The following NEB variants were observed in gnomAD, a reference collection of about 807,000 sequenced individuals.
NEB encodes nebulin.
In NEB, 512 loss-of-function variants were observed where a neutral mutation model predicts 952.2. That is an observed-to-expected ratio of 0.54 (90% CI 0.50 to 0.58). The LOEUF (loss-of-function observed/expected upper bound fraction) is 0.58, where lower values mean the gene tolerates loss of function less well. Among genes scored for constraint, NEB ranks in the 20% least tolerant of loss-of-function variants. The probability of loss-of-function intolerance (pLI) is 0.00; values close to 1 mark genes in which losing one functional copy is unlikely to be tolerated. For missense variants in NEB, 8,428 were observed against 9,231.1 expected, an observed-to-expected ratio of 0.91 and a Z score of 3.56; for synonymous variants, 2,900 against 3,149.8, an observed-to-expected ratio of 0.92 and a Z score of 2.66.
intron 17 of NEB, 111 bp from the exon 18 acceptor site, chr2:151,695,793 C>T (rs906010784): frequency 4.2e-5 from 33 of 794,478 alleles, no homozygotes; most frequent in Admixed American, 6.9e-5. Context: ...TCAGAAGAGA[C>T]ATCTAGAGCT....
At position 151,531,570 on chromosome 2, in the gene NEB, G is replaced by A. The variant is rs182498532; in HGVS notation, c.21522+222C>T. Among the ~76,000 whole-genome samples the A allele has an allele frequency of 1.8e-3, 269 of 152,258 alleles. 2 individuals are homozygous for A. The South Asian group carries it at 0.03, about 17-fold the overall frequency. Reference sequence around the variant, plus strand: ...GGCCTCAAGTGATCCACCTGCCTTGGCTTCCCAAAGTGCTGGAATTACAGG... The same window carrying A: ...GGCCTCAAGTGATCCACCTGCCTTGACTTCCCAAAGTGCTGGAATTACAGG... On this transcript the variant is annotated intron_variant, in intron 144 of 181. Coordinates refer to ENST00000397345, the MANE Select transcript of NEB (RefSeq NM_001164508.2).
rs568335746 is a variant in NEB at position 151,526,241 on chromosome 2, C to T, written c.21967G>A (p.Val7323Ile). ...ESDLKYKEKH[V>I]KERGTCHAVP... ...GCATGGCAGGTTCCTCTTTCCTTGA[C>T]ATGTTTCTCTTTGTATTTCAGCTTC... Residue 7323 changes from valine to isoleucine, a missense_variant, in exon 149 of 182, where the codon GTC (valine) becomes ATC (isoleucine). Physicochemically the swap from Val to Ile is conservative, Grantham distance 29. Transcript: ENST00000397345. The T allele has an allele frequency of 3.1e-6, 5 of 1,612,496 alleles. No homozygotes were observed. Among genetic ancestry groups the T allele is most frequent in the African/African-American group, 1.3e-5 (1 of 75,028 alleles).
chr2:151,702,553 T>G (rs932501739), intron 13 of NEB, among the ~76,000 whole-genome samples: 2 of 151,948 alleles, frequency 1.3e-5, no homozygotes, highest in African/African-American at 2.4e-5. Flanking sequence ...GGTGTTCCTG[T>G]ATTGGGTGCA....
chr2:151,707,078 C>G (rs898990327), intron 12 of NEB, 81 bp from the exon 13 acceptor site: 4 of 831,060 alleles, frequency 4.8e-6, no homozygotes, highest in Admixed American at 3.1e-5. Context: ...GACATACTTC[C>G]ACAAATCAAT....
At chr2:151,487,020 C>T (rs964111979) in intron 181 of NEB, among the ~76,000 whole-genome samples, 1 of 152,068 alleles carries the variant, frequency 6.6e-6, no homozygotes, top group Admixed American at 6.6e-5. Context: ...TTATGAACTT[C>T]ATACTAAGTT....
intron 57 of NEB, 22 bp from the exon 58 acceptor site, chr2:151,643,375 T>C (rs1430559209): frequency 1.9e-6 from 3 of 1,568,634 alleles, no homozygotes; most frequent in Non-Finnish European, 2.6e-6. Context: ...AGTGACAAAT[T>C]TGTCATAATT....
Position 151,672,450 on chromosome 2 carries a change from T to C in NEB, c.4218A>G (p.Lys1406=), listed in dbSNP as rs754513702. ...AQDVATNVNY[K]QPLHHYTYLP... is the part of the protein sequence containing the mutation. ...GGTATGTGTAATGATGCAATGGCTG[T>C]TTGTAGTTGACATTGGTAGCGACAT... The change falls in exon 37 of 182, where the codon AAA becomes AAG. Residue 1406 remains lysine, a synonymous_variant. Transcript: ENST00000397345. 47 of 1,613,842 alleles carry C rather than the reference T, an allele frequency of 2.9e-5. No homozygotes were observed. The Admixed American group carries it at 7.7e-4, about 26-fold the overall frequency.
chr2:151,534,980 C>G (rs2092797729), intron 142 of NEB, among the ~76,000 whole-genome samples: 1 of 152,150 alleles, frequency 6.6e-6, no homozygotes, highest in Middle Eastern at 3.2e-3. Flanking sequence ...CTAATTTTCT[C>G]ACGGAATTTT....
At chr2:151,733,858 C>T (rs955910910) in intron 1 of NEB, 63 bp from the exon 2 acceptor site, 4 of 152,206 alleles carry the variant, frequency 2.6e-5, no homozygotes, top group African/African-American at 4.8e-5. Flanking sequence ...AGTCCTTAGC[C>T]TAAGCTTCTA....
intron 168 of NEB, among the ~76,000 whole-genome samples, chr2:151,501,104 G>GTGT (rs2064115626): frequency 6.6e-6 from 1 of 152,062 alleles, no homozygotes; most frequent in African/African-American, 2.4e-5. Flanking sequence ...AAGAGCTTTA[G>GTGT]TGTTTGGTTT....
Position 151,625,638 on chromosome 2 carries a change from G to C in NEB, c.10348C>G (p.Arg3450Gly), listed in dbSNP as rs200462308. The part of the protein sequence containing the change: ...AKNNALNMNK[R>G]LYTEAWDKDK... ...TTGTCCCAGGCTTCTGTGTATAAGC[G>C]CTGTGAAGGATAAAAAGGTTAATGA... The change falls in exon 71 of 182, where the codon CGC becomes GGC. Residue 3450 changes from arginine (R) to glycine (G), a missense_variant and splice_region_variant. Transcript: ENST00000397345. 6.3e-6 allele frequency: 10 copies of C among 1,580,664 alleles called. No homozygotes were observed. In the South Asian group the frequency reaches 1.1e-4, roughly 17 times the overall value.
At chr2:151,508,827 G>A (rs541504956) in intron 161 of NEB, among the ~76,000 whole-genome samples, 14 of 152,248 alleles carry the variant, frequency 9.2e-5, no homozygotes, top group Non-Finnish European at 1.9e-4. Flanking sequence ...CTGGAGAGAC[G>A]TGTCCATATA....
At chr2:151,636,752 G>A (rs563334086) in intron 63 of NEB, among the ~76,000 whole-genome samples, 1 of 151,944 alleles carries the variant, frequency 6.6e-6, no homozygotes, top group East Asian at 1.9e-4. Context: ...ATGCACTCCA[G>A]CCTGGGCAAC....
At chr2:151,520,427 C>T (rs1165094694) in intron 153 of NEB, among the ~76,000 whole-genome samples, 3 of 151,976 alleles carry the variant, frequency 2.0e-5, no homozygotes, top group Non-Finnish European at 4.4e-5. Flanking sequence ...TTTTAGTATA[C>T]ATAAAAATAA....
chr2:151,674,066 T>G (rs749549868), intron 36 of NEB, among the ~76,000 whole-genome samples: 23 of 152,214 alleles, frequency 1.5e-4, no homozygotes, highest in Admixed American at 1.0e-3. Flanking sequence ...AAAAGTGGAC[T>G]TTTCCCTCTT....
intron 173 of NEB, among the ~76,000 whole-genome samples, 164 bp downstream of exon 173, chr2:151,496,112 G>C (rs1014919660): frequency 1.3e-5 from 2 of 152,146 alleles, no homozygotes; most frequent in African/African-American, 2.4e-5. Context: ...TTGTTATTAT[G>C]GGGTTAGGCT....
In NEB at chr2:151,538,008, T is replaced by A. The variant is rs188287498; in HGVS notation, c.20998-32A>T. The A allele has an allele frequency of 6.9e-4, 1,094 of 1,585,272 alleles. 1 individual carries two copies. The highest frequency in any genetic ancestry group is 8.8e-4 in the Non-Finnish European group (1,016 of 1,156,348). On this transcript the variant is annotated intron_variant, in intron 139 of 181. Coordinates refer to ENST00000397345, the MANE Select transcript of NEB (RefSeq NM_001164508.2). The stretch of plus-strand genomic sequence containing the variant: ...TAAAAAACACAAAGACAGCTGTAAG[T>A]CTTACCCAAAGTTAATGTAAATATG...
chr2:151,609,512 T>C lies in NEB; in HGVS notation c.12330+297A>G, dbSNP rs377596701. Among the ~76,000 whole-genome samples, 624 of 152,322 alleles carry C rather than the reference T, an allele frequency of 4.1e-3. 3 individuals are homozygous for C. Among genetic ancestry groups the C allele is most frequent in the African/African-American group, 0.014 (588 of 41,566 alleles). On this transcript the variant is annotated intron_variant, in intron 81 of 181. Coordinates refer to ENST00000397345, the MANE Select transcript of NEB (RefSeq NM_001164508.2). The stretch of plus-strand genomic sequence containing the variant: ...GAAAATTTTGCTGAATTAGATTCCA[T>C]TTTAATCCTGTGGCAATTGACCCAA...
intron 170 of NEB, 180 bp downstream of exon 170, chr2:151,498,080 C>G (rs2061528122): frequency 6.8e-7 from 1 of 1,466,036 alleles, no homozygotes; most frequent in African/African-American, 1.4e-5. Context: ...TTGTAAATAT[C>G]AGATGAAGTA....
Sources: allele counts gnomAD v4.1 joint callset (sites outside exome capture counted in the v4.1 genomes callset), GRCh38; gene constraint gnomAD v4.1.1; transcripts MANE v1.5; gene names NCBI Gene and HGNC (gene_info 2026-07-23, HGNC 2026-07-21).